Variants in OVCH1 observed in about 807,000 individuals in gnomAD.
The protein encoded by OVCH1 is ovochymase-1.
Under a neutral mutation model 138.4 loss-of-function variants are expected in OVCH1, and 139 were observed. The observed-to-expected ratio is 1.00, with a 90% confidence interval of 0.87 to 1.16. OVCH1 has a LOEUF of 1.16. Ranked by LOEUF, OVCH1 falls within the 50% of genes most tolerant of loss-of-function variation. OVCH1 has a pLI of 0.00. For synonymous variants in OVCH1, 453 were observed against 467.8 expected (o/e 0.97, Z 0.41); for missense variants, 1,367 against 1,357.9 (o/e 1.01, Z -0.11).
chr12:29,496,499 C>T (rs1360951729), intron 2 of OVCH1, 57 bp downstream of exon 2: 2 of 1,453,746 alleles, frequency 1.4e-6, no homozygotes, highest in East Asian at 2.3e-5. Flanking sequence ...GCTTTCGAAA[C>T]AAAGGAAATA....
intron 18 of OVCH1, among the ~76,000 whole-genome samples, chr12:29,464,011 T>C (rs905103454): frequency 2.6e-5 from 4 of 152,196 alleles, no homozygotes; most frequent in African/African-American, 9.6e-5. Flanking sequence ...ATAAATTCTG[T>C]GCCACCCCCA....
chr12:29,450,459 C>T (rs1941753882), intron 22 of OVCH1, among the ~76,000 whole-genome samples: 1 of 152,134 alleles, frequency 6.6e-6, no homozygotes, highest in African/African-American at 2.4e-5. Flanking sequence ...ATTAAAACCA[C>T]AATAAGATAC....
intron 16 of OVCH1, among the ~76,000 whole-genome samples, chr12:29,467,754 G>T (rs878838): frequency 0.025 from 3,770 of 152,266 alleles, 138 homozygotes; most frequent in African/African-American, 0.085. Flanking sequence ...GAGAACACCA[G>T]ATTTTCCTAA....
At chr12:29,473,067 T>G (rs754683564) in exon 15 of OVCH1, 1 of 1,611,162 alleles carries the variant, frequency 6.2e-7, no homozygotes, top group South Asian at 1.1e-5. Context: ...AGGATTGTTT[T>G]GGGGAGGTAA....
At chr12:29,455,165 T>C in intron 20 of OVCH1, 84 bp downstream of exon 20, 1 of 1,446,512 alleles carries the variant, frequency 6.9e-7, no homozygotes, top group Non-Finnish European at 9.4e-7. Context: ...TTCTCTTTCA[T>C]GCTAATTTAT....
intron 3 of OVCH1, among the ~76,000 whole-genome samples, 180 bp downstream of exon 3, chr12:29,496,001 A>G (rs1943404788): frequency 6.6e-6 from 1 of 152,222 alleles, no homozygotes; most frequent in Admixed American, 6.5e-5. Flanking sequence ...TAGAACAGGA[A>G]GCACTGGGAA....
chr12:29,439,091 C>T (rs1330605759), intron 26 of OVCH1, among the ~76,000 whole-genome samples: 1 of 152,156 alleles, frequency 6.6e-6, no homozygotes, highest in Non-Finnish European at 1.5e-5. Context: ...TCTTATCAGC[C>T]CAGAGATGGC....
intron 26 of OVCH1, among the ~76,000 whole-genome samples, chr12:29,437,553 G>C (rs1363925968): frequency 6.6e-6 from 1 of 152,118 alleles, no homozygotes; most frequent in Non-Finnish European, 1.5e-5. Context: ...AAACATTCTA[G>C]TAAATGTAGT....
intron 26 of OVCH1, among the ~76,000 whole-genome samples, chr12:29,438,774 T>C (rs372605751): frequency 6.6e-6 from 1 of 152,220 alleles, no homozygotes; most frequent in Admixed American, 6.5e-5. Context: ...ACAATTGCTA[T>C]ATAATTTGTA....
chr12:29,490,791 G>C (rs765745232), intron 5 of OVCH1, among the ~76,000 whole-genome samples: 1 of 152,012 alleles, frequency 6.6e-6, no homozygotes, highest in Non-Finnish European at 1.5e-5. Flanking sequence ...CAATATTAAA[G>C]ACAAAGAAGC....
At chr12:29,489,869 A>G in intron 5 of OVCH1, 98 bp from the exon 6 acceptor site, 1 of 1,286,656 alleles carries the variant, frequency 7.8e-7, no homozygotes. Context: ...CAGATTTTTA[A>G]CCACATGTAG....
At chr12:29,466,020 T>G (rs1942304261) in intron 16 of OVCH1, among the ~76,000 whole-genome samples, 1 of 145,202 alleles carries the variant, frequency 6.9e-6, no homozygotes, top group Non-Finnish European at 1.5e-5. Flanking sequence ...CACCGCATGT[T>G]CTCACTCGTA....
At chr12:29,461,927 G>A (rs1942149366) in exon 19 of OVCH1, 1 of 1,613,740 alleles carries the variant, frequency 6.2e-7, no homozygotes, top group South Asian at 1.1e-5. Flanking sequence ...TCCTGGATGG[G>A]CAGAATAGTA....
the OVCH1 span, among the ~76,000 whole-genome samples, chr12:29,407,379 C>T: frequency 2.1e-5 from 3 of 144,334 alleles, no homozygotes; most frequent in African/African-American, 7.3e-5. Context: ...GAAGTCCTTG[C>T]CCATGCCTAT....
chr12:29,491,617 A>G (rs1943274934), intron 4 of OVCH1, among the ~76,000 whole-genome samples: 1 of 152,204 alleles, frequency 6.6e-6, no homozygotes, highest in Non-Finnish European at 1.5e-5. Context: ...GAAGCTTAGA[A>G]AAAATATGGA....
Position 29,464,438 on chromosome 12 carries a change from A to G in OVCH1, c.2125+69T>C, listed in dbSNP as rs748463984. ...GGGGCTGAAGCGGATGCTGCTTGAT[A>G]TCATTTACATGACCTATTTTCAAAA... On this transcript the variant is annotated intron_variant, in intron 18 of 27. Coordinates refer to ENST00000318184, the Ensembl canonical transcript of OVCH1. 1.7e-5 allele frequency: 25 copies of G among 1,491,138 alleles called. No homozygotes were observed. In the South Asian group the frequency reaches 2.5e-4, roughly 15 times the overall value. The allele number at this position is 1,491,138 out of a possible 1,614,324, so 92.4% of individuals were successfully genotyped here.
At chr12:29,491,142 G>A in exon 5 of OVCH1, 1 of 1,613,682 alleles carries the variant, frequency 6.2e-7, no homozygotes, top group Non-Finnish European at 8.5e-7. Context: ...AGAATTCCTG[G>A]TTCAACTTTA....
intron 8 of OVCH1, among the ~76,000 whole-genome samples, chr12:29,479,824 CTTTTTTTTTT>C (rs34551074): frequency 7.8e-6 from 1 of 128,384 alleles, no homozygotes; most frequent in Admixed American, 8.6e-5. Context: ...TCTTTTTTTT[CTTTTTTTTTT>C]TTTTTTTGAG....
At chr12:29,406,312 T>A in the OVCH1 span, among the ~76,000 whole-genome samples, 49 of 152,138 alleles carry the variant, frequency 3.2e-4, no homozygotes, top group Non-Finnish European at 5.6e-4. Context: ...ATTTATTTAT[T>A]TATTTTTATT....
Sources: allele counts gnomAD v4.1 joint callset (sites outside exome capture counted in the v4.1 genomes callset), GRCh38; gene constraint gnomAD v4.1.1; transcripts MANE v1.5; gene names NCBI Gene and HGNC (gene_info 2026-07-23, HGNC 2026-07-21).